The following BMERB1 variants were observed in gnomAD, a reference collection of about 807,000 sequenced individuals.
BMERB1 encodes bMERB domain-containing protein 1.
Under a neutral mutation model 23.6 loss-of-function variants are expected in BMERB1, and 12 were observed. The observed-to-expected ratio is 0.51, with a 90% confidence interval of 0.33 to 0.82. The LOEUF (loss-of-function observed/expected upper bound fraction) is 0.82, where lower values mean the gene tolerates loss of function less well. Ranked by LOEUF, BMERB1 falls within the 40% of genes least tolerant of loss-of-function variation. The pLI is 0.03. For synonymous variants in BMERB1, 122 were observed against 96.6 expected, an observed-to-expected ratio of 1.26 and a Z score of -1.54; for missense variants, 247 against 255.4, an observed-to-expected ratio of 0.97 and a Z score of 0.22.
At chr16:15,437,688 T>G (rs796466991) in intron 1 of BMERB1, among the ~76,000 whole-genome samples, 13 of 152,220 alleles carry the variant, frequency 8.5e-5, no homozygotes, top group African/African-American at 3.1e-4. Context: ...GCCAGGCGCA[T>G]TGGCTCACGC....
intron 2 of BMERB1, among the ~76,000 whole-genome samples, chr16:15,558,169 C>CG (rs1166687685): frequency 1.3e-5 from 2 of 152,116 alleles, no homozygotes; most frequent in African/African-American, 4.8e-5. Context: ...CCCTAGATAG[C>CG]GAACCTGTCC....
At chr16:15,448,757 A>G (rs903148763) in intron 1 of BMERB1, among the ~76,000 whole-genome samples, 1 of 152,212 alleles carries the variant, frequency 6.6e-6, no homozygotes, top group Non-Finnish European at 1.5e-5. Context: ...GCACTACTGC[A>G]TTCAAGCCTA....
At chr16:15,485,239 C>A (rs1379178160) in intron 1 of BMERB1, among the ~76,000 whole-genome samples, 1 of 152,104 alleles carries the variant, frequency 6.6e-6, no homozygotes, top group Non-Finnish European at 1.5e-5. Flanking sequence ...ATGTTCATTC[C>A]TCCAAATTGC....
chr16:15,531,074 T>G (rs1057201536), intron 2 of BMERB1, among the ~76,000 whole-genome samples: 4 of 151,818 alleles, frequency 2.6e-5, no homozygotes, highest in African/African-American at 9.7e-5. Flanking sequence ...CCAGCTAATT[T>G]TTTTTTGTAT....
rs2050899211 is a variant in BMERB1 at position 15,437,579 on chromosome 16, A to AG, written c.106+2822dup. On this transcript the variant is annotated intron_variant, in intron 1 of 5. Coordinates refer to ENST00000300006, the MANE Select transcript of BMERB1 (RefSeq NM_033201.3). Reference sequence around the variant, plus strand: ...TTATGAGAAAAAATTTGAAACATGCAGGAAAATTGCAGCAAGCACCCAATT... The same window carrying AG: ...TTATGAGAAAAAATTTGAAACATGCAGGGAAAATTGCAGCAAGCACCCAATT... 2.0e-5 allele frequency among the ~76,000 whole-genome samples: 3 copies of AG among 152,322 alleles called. No homozygotes were observed. The South Asian group carries it at 6.2e-4, about 32-fold the overall frequency.
At chr16:15,471,227 A>G (rs960369982) in intron 1 of BMERB1, among the ~76,000 whole-genome samples, 1 of 152,216 alleles carries the variant, frequency 6.6e-6, no homozygotes, top group African/African-American at 2.4e-5. Context: ...TGAAGAATTG[A>G]TAGAGATTCA....
intron 1 of BMERB1, among the ~76,000 whole-genome samples, chr16:15,502,964 G>A (rs1483855335): frequency 6.6e-6 from 1 of 152,134 alleles, no homozygotes; most frequent in Non-Finnish European, 1.5e-5. Context: ...TGTGATGGCA[G>A]GAATAATGCT....
chr16:15,547,346 T>C (rs1035268275), intron 2 of BMERB1, among the ~76,000 whole-genome samples: 17 of 148,236 alleles, frequency 1.1e-4, no homozygotes, highest in Admixed American at 2.0e-4. Context: ...TCTTCTTCTT[T>C]TTTTTTTTTT....
At chr16:15,487,915 G>A (rs551147678) in intron 1 of BMERB1, among the ~76,000 whole-genome samples, 1 of 152,284 alleles carries the variant, frequency 6.6e-6, no homozygotes, top group Non-Finnish European at 1.5e-5. Context: ...GATCATGTGC[G>A]TTGCCCTCTT....
At chr16:15,444,123 G>GTTGTTTTT (rs2050966446) in intron 1 of BMERB1, among the ~76,000 whole-genome samples, 1 of 35,610 alleles carries the variant, frequency 2.8e-5, no homozygotes, top group Non-Finnish European at 4.6e-5. Flanking sequence ...CACCAGCTTT[G>GTTGTTTTT]TTTTTTTTTT....
At chr16:15,551,324 G>A (rs749253024) in intron 2 of BMERB1, among the ~76,000 whole-genome samples, 2 of 152,140 alleles carry the variant, frequency 1.3e-5, no homozygotes, top group Admixed American at 6.5e-5. Flanking sequence ...TATCAGGGAC[G>A]GGGTGGTGTG....
chr16:15,463,984 T>C (rs1339758895), intron 1 of BMERB1, among the ~76,000 whole-genome samples: 1 of 151,922 alleles, frequency 6.6e-6, no homozygotes, highest in Non-Finnish European at 1.5e-5. Flanking sequence ...TTGGGGCAAC[T>C]CCATAGAGTA....
chr16:15,469,401 GGTATAT>G (rs1381246752), intron 1 of BMERB1, among the ~76,000 whole-genome samples: 1 of 152,128 alleles, frequency 6.6e-6, no homozygotes, highest in Non-Finnish European at 1.5e-5. Flanking sequence ...GTAAGCTGTA[GGTATAT>G]GTAATCATTT....
intron 3 of BMERB1, among the ~76,000 whole-genome samples, chr16:15,574,127 G>C (rs1287783108): frequency 3.6e-3 from 477 of 132,696 alleles, no homozygotes; most frequent in Middle Eastern, 0.027. Flanking sequence ...GGTGGAAGGT[G>C]AAGGAGAAGC....
At chr16:15,581,733 C>G (rs544638947) in intron 4 of BMERB1, among the ~76,000 whole-genome samples, 1 of 152,200 alleles carries the variant, frequency 6.6e-6, no homozygotes, top group African/African-American at 2.4e-5. Flanking sequence ...CTTTGTTCTC[C>G]CCTTTCCCTT....
At chr16:15,525,872 T>C (rs190636983) in intron 2 of BMERB1, among the ~76,000 whole-genome samples, 5 of 152,258 alleles carry the variant, frequency 3.3e-5, no homozygotes, top group African/African-American at 1.2e-4. Flanking sequence ...CCTAGCAAGT[T>C]GGATAAAATG....
chr16:15,514,284 AT>A (rs1462152033), intron 1 of BMERB1, among the ~76,000 whole-genome samples: 1 of 152,178 alleles, frequency 6.6e-6, no homozygotes, highest in Non-Finnish European at 1.5e-5. Context: ...AAATGAAAAA[AT>A]ACTTAACACT....
intron 3 of BMERB1, among the ~76,000 whole-genome samples, chr16:15,579,554 C>G (rs1353069639): frequency 6.6e-6 from 1 of 152,196 alleles, no homozygotes; most frequent in Admixed American, 6.5e-5. Context: ...GGCAGGCAGA[C>G]AAGCTGTCCC....
intron 1 of BMERB1, among the ~76,000 whole-genome samples, chr16:15,461,450 C>T (rs1263295231): frequency 6.6e-6 from 1 of 152,162 alleles, no homozygotes; most frequent in Non-Finnish European, 1.5e-5. Context: ...GCCCTCCACT[C>T]ACCTCTCAGA....
Sources: gnomAD v4.1 joint callset for allele counts (sites outside exome capture counted in the v4.1 genomes callset) on GRCh38, gnomAD v4.1.1 for gene constraint, MANE v1.5 for transcripts, NCBI Gene and HGNC (gene_info 2026-07-23, HGNC 2026-07-21) for gene names.